Variants in CNNM2 observed in about 807,000 individuals in gnomAD.
CNNM2 encodes metal transporter CNNM2.
A neutral mutation model predicts 66.9 loss-of-function variants in CNNM2; 12 were observed. The observed-to-expected ratio is 0.18, with a 90% CI of 0.11 to 0.29. CNNM2 has a LOEUF of 0.29. Ranked by LOEUF, CNNM2 falls within the 10% of genes least tolerant of loss-of-function variation. CNNM2 has a pLI of 1.00. For synonymous variants in CNNM2, 557 were observed against 501.8 expected, an observed-to-expected ratio of 1.11 and a Z score of -1.47; for missense variants, 705 against 1,167.7, an observed-to-expected ratio of 0.60 and a Z score of 5.77.
intron 1 of CNNM2, among the ~76,000 whole-genome samples, chr10:103,033,374 T>C (rs1241712325): frequency 6.6e-6 from 1 of 151,952 alleles, no homozygotes; most frequent in Non-Finnish European, 1.5e-5. Flanking sequence ...TATTTTTTAG[T>C]AGAGACGGGG....
intron 1 of CNNM2, among the ~76,000 whole-genome samples, chr10:102,992,933 G>A (rs917914636): frequency 6.6e-6 from 1 of 152,176 alleles, no homozygotes; most frequent in Non-Finnish European, 1.5e-5. Flanking sequence ...GTAAACAGTA[G>A]ATTCCTGCCT....
At chr10:103,020,487 A>G (rs1030959730) in intron 1 of CNNM2, among the ~76,000 whole-genome samples, 8 of 152,184 alleles carry the variant, frequency 5.3e-5, no homozygotes, top group African/African-American at 1.9e-4. Flanking sequence ...TAATTAATCC[A>G]TTCAACCAAT....
Position 103,040,601 on chromosome 10 carries a change from C to T in CNNM2, c.1622-9106C>T, listed in dbSNP as rs536472052. Among the ~76,000 whole-genome samples, 9 of 152,286 alleles carry T rather than the reference C, an allele frequency of 5.9e-5. No homozygotes were observed. In the East Asian group the frequency reaches 1.7e-3, roughly 29 times the overall value. Reference sequence around the variant, plus strand: ...ACAGGAGTGTTGGCCGTTGGCTAGACTTGGCAGGGGCTGACACAAAGGTGG... The same window carrying T: ...ACAGGAGTGTTGGCCGTTGGCTAGATTTGGCAGGGGCTGACACAAAGGTGG... On this transcript the variant is annotated intron_variant, in intron 1 of 7. Coordinates refer to ENST00000369878, the MANE Select transcript of CNNM2 (RefSeq NM_017649.5).
At chr10:103,075,717 C>G (rs933513917) in intron 6 of CNNM2, among the ~76,000 whole-genome samples, 2 of 152,212 alleles carry the variant, frequency 1.3e-5, no homozygotes, top group Non-Finnish European at 2.9e-5. Context: ...CTCTGCGTAG[C>G]CTACCTTTGA....
chr10:103,006,530 C>T (rs536504012), intron 1 of CNNM2, among the ~76,000 whole-genome samples: 20 of 152,134 alleles, frequency 1.3e-4, no homozygotes, highest in Non-Finnish European at 2.1e-4. Context: ...TATAGCTCCC[C>T]TTCATCAGAT....
intron 1 of CNNM2, among the ~76,000 whole-genome samples, chr10:102,921,430 G>A (rs1479919674): frequency 6.6e-6 from 1 of 152,158 alleles, no homozygotes. Context: ...TTTTCTGGTT[G>A]AATGATGTCC....
intron 5 of CNNM2, 77 bp from the exon 6 acceptor site, chr10:103,071,691 GTATCCC>G (rs1358444670): frequency 7.7e-6 from 8 of 1,038,084 alleles, no homozygotes; most frequent in Non-Finnish European, 9.2e-6. Context: ...GATAGAACAA[GTATCCC>G]CTCCTGTCCC....
intron 1 of CNNM2, among the ~76,000 whole-genome samples, chr10:103,037,076 C>A (rs958733941): frequency 1.3e-5 from 2 of 152,002 alleles, no homozygotes; most frequent in African/African-American, 4.8e-5. Flanking sequence ...TTGTTCCTTA[C>A]AATTGCATGT....
At chr10:102,967,208 C>T (rs1199021792) in intron 1 of CNNM2, among the ~76,000 whole-genome samples, 2 of 152,202 alleles carry the variant, frequency 1.3e-5, no homozygotes, top group Non-Finnish European at 2.9e-5. Context: ...CCACCTCAGC[C>T]TCCTGAGTAG....
At chr10:102,983,083 A>G (rs2063741409) in intron 1 of CNNM2, among the ~76,000 whole-genome samples, 1 of 151,996 alleles carries the variant, frequency 6.6e-6, no homozygotes, top group African/African-American at 2.4e-5. Flanking sequence ...TTGTTTGTTC[A>G]ACTTTGATAT....
intron 1 of CNNM2, among the ~76,000 whole-genome samples, chr10:102,942,078 C>G (rs1361707591): frequency 6.6e-6 from 1 of 152,234 alleles, no homozygotes; most frequent in Non-Finnish European, 1.5e-5. Context: ...AGTAGCTCCA[C>G]TTCCAGAATG....
At chr10:103,041,190 G>T (rs575155335) in intron 1 of CNNM2, among the ~76,000 whole-genome samples, 1 of 152,114 alleles carries the variant, frequency 6.6e-6, no homozygotes, top group East Asian at 1.9e-4. Context: ...CCCGTCTTCC[G>T]CCTCACCCAC....
chr10:103,037,409 A>T (rs1467659751), intron 1 of CNNM2, among the ~76,000 whole-genome samples: 5 of 152,012 alleles, frequency 3.3e-5, no homozygotes, highest in Non-Finnish European at 7.4e-5. Context: ...GCACACCACC[A>T]TGACCACCAT....
chr10:103,077,293 A>C lies in CNNM2; in HGVS notation c.*113A>C, dbSNP rs757002147. 6.5e-6 allele frequency: 6 copies of C among 921,510 alleles called. No homozygotes were observed. Among genetic ancestry groups the C allele is most frequent in the Non-Finnish European group, 8.2e-6 (5 of 608,540 alleles). 57.1% of individuals were successfully genotyped at this position (921,510 alleles called of 1,614,324 possible). On this transcript the variant is annotated 3_prime_UTR_variant, in exon 8 of 8. Coordinates refer to ENST00000369878, the MANE Select transcript of CNNM2 (RefSeq NM_017649.5). ...TGTCCGCCATGCTGTACCCTGCAAC[A>C]TCCTGAGACCAAAGACCTTGTGCCC...
intron 1 of CNNM2, among the ~76,000 whole-genome samples, chr10:103,018,686 CTTTTTTTT>C (rs370000130): frequency 4.6e-4 from 53 of 116,290 alleles, no homozygotes; most frequent in Non-Finnish European, 7.3e-4. Flanking sequence ...CTCTTCTTTC[CTTTTTTTT>C]TTTTTTTTTT....
In CNNM2 at chr10:103,087,560, C is replaced by T. The variant is rs1204616548; in HGVS notation, c.*10380C>T. On this transcript the variant is annotated 3_prime_UTR_variant, in exon 8 of 8. Transcript: ENST00000369878. ...ATTAAAGCAAAGCAATCATGTGGTC[C>T]TTACTCTAAAAGAGACAATATGTAA... 1.3e-5 allele frequency: 2 copies of T among 152,096 alleles called. No individual in the cohort carries two copies. The highest frequency in any genetic ancestry group is 2.4e-5 in the African/African-American group (1 of 41,422). The allele number at this position is 152,096 out of a possible 1,614,324, so 9.4% of individuals were successfully genotyped here.
At chr10:103,051,700 A>C (rs2065216885) in intron 2 of CNNM2, among the ~76,000 whole-genome samples, 1 of 152,108 alleles carries the variant, frequency 6.6e-6, no homozygotes, top group Non-Finnish European at 1.5e-5. Context: ...AGATTACACC[A>C]CTGCACTCCA....
chr10:103,038,419 C>T (rs1030308625), intron 1 of CNNM2, among the ~76,000 whole-genome samples: 18 of 152,168 alleles, frequency 1.2e-4, no homozygotes, highest in African/African-American at 4.3e-4. Flanking sequence ...TACTTTGCTT[C>T]TCCTGGTTTT....
chr10:103,001,036 C>G (rs908345326), intron 1 of CNNM2, among the ~76,000 whole-genome samples: 13 of 152,212 alleles, frequency 8.5e-5, no homozygotes, highest in African/African-American at 2.9e-4. Flanking sequence ...TATGCTACAA[C>G]ATGGATGGAC....
Sources: allele counts gnomAD v4.1 joint callset (sites outside exome capture counted in the v4.1 genomes callset), GRCh38; gene constraint gnomAD v4.1.1; transcripts MANE v1.5; gene names NCBI Gene and HGNC (gene_info 2026-07-23, HGNC 2026-07-21).